Variants in CLPB observed in about 807,000 individuals in gnomAD.
CLPB encodes mitochondrial disaggregase.
In CLPB, 40 loss-of-function variants were observed where a neutral mutation model predicts 78.4. The ratio of observed to expected loss-of-function variants is 0.51; its 90% CI spans 0.40 to 0.66. The LOEUF (loss-of-function observed/expected upper bound fraction) is 0.66. Ranked by LOEUF, CLPB falls within the 30% of genes least tolerant of loss-of-function variation. The pLI is 0.00. For missense variants in CLPB, 780 were observed against 886.9 expected (o/e 0.88, Z 1.53); for synonymous variants, 333 against 348.0 (o/e 0.96, Z 0.48).
chr11:72,421,313 A>G (rs1209850117), intron 2 of CLPB, among the ~76,000 whole-genome samples: 1 of 151,630 alleles, frequency 6.6e-6, no homozygotes, highest in African/African-American at 2.4e-5. Flanking sequence ...CTCCTTCCCT[A>G]CTAAACTCTC....
chr11:72,389,312 C>G (rs1388042204), intron 3 of CLPB, among the ~76,000 whole-genome samples: 2 of 152,204 alleles, frequency 1.3e-5, no homozygotes. Flanking sequence ...AGAACCAAAT[C>G]TGATGGCACA....
chr11:72,381,114 C>T lies in CLPB; in HGVS notation c.543-730G>A, dbSNP rs902851222. On this transcript the variant is annotated intron_variant, in intron 3 of 15. Coordinates refer to ENST00000538039, the MANE Select transcript of CLPB (RefSeq NM_001258392.3). ...CAAATGAGAGATTATAGCACCTGGG[C>T]GTAGCACAGAGGTAAAGAAAAGATT... is the stretch of plus-strand genomic sequence containing the variant. Among the ~76,000 whole-genome samples, 4 of 152,174 alleles carry T rather than the reference C, an allele frequency of 2.6e-5. No homozygotes were observed. The South Asian group carries it at 6.2e-4, about 24-fold the overall frequency.
rs1064796961 is a variant in CLPB at position 72,294,104 on chromosome 11, GTGA to G, written c.1700_1702del (p.Ile567del). On this transcript the variant is annotated inframe_deletion, in exon 15 of 16. Coordinates refer to ENST00000538039, the MANE Select transcript of CLPB (RefSeq NM_001258392.3). ...TGCCACCTCGCGGTCCCAGAGCAGCGTGATGTTGTGCCTTTGCTTGGCCTGAGA... is the reference window on the plus strand; with the variant it reads ...TGCCACCTCGCGGTCCCAGAGCAGCGTGTTGTGCCTTTGCTTGGCCTGAGA... 1.9e-6 allele frequency: 3 copies of G among 1,614,150 alleles called. No individual in the cohort carries two copies. Among genetic ancestry groups the G allele is most frequent in the East Asian group, 2.2e-5 (1 of 44,876 alleles).
chr11:72,309,119 AAC>A (rs952365591), intron 7 of CLPB, among the ~76,000 whole-genome samples: 1 of 152,152 alleles, frequency 6.6e-6, no homozygotes, highest in Non-Finnish European at 1.5e-5. Context: ...AGAAAGTGGA[AAC>A]ACAGCCAAAT....
rs1949452883 is a variant in CLPB at position 72,291,589 on chromosome 11, T to A, written c.*1778A>T. On this transcript the variant is annotated 3_prime_UTR_variant, in exon 16 of 16. Transcript: ENST00000538039. ...TCCCAAAGTGCTGGAATTACAGGCA[T>A]GAGCCACCACACCCGGCAATTTCCT... 6.6e-6 allele frequency: 1 copy of A among 151,934 alleles called. No individual in the cohort carries two copies. The allele number at this position is 151,934 out of a possible 1,614,324, so 9.4% of individuals were successfully genotyped here. A position where few individuals can be genotyped will look rare whatever the true frequency, so the allele number is the denominator to read the frequency against.
intron 2 of CLPB, among the ~76,000 whole-genome samples, chr11:72,410,428 G>T (rs891506823): frequency 6.6e-6 from 1 of 152,162 alleles, no homozygotes; most frequent in African/African-American, 2.4e-5. Context: ...GTCACATAGG[G>T]GTGCTATGAA....
chr11:72,422,954 G>A (rs1856254642), intron 2 of CLPB, among the ~76,000 whole-genome samples: 1 of 152,166 alleles, frequency 6.6e-6, no homozygotes, highest in South Asian at 2.1e-4. Flanking sequence ...ACCAAACCAA[G>A]CCATCAGTGC....
intron 4 of CLPB, 38 bp from the exon 5 acceptor site, chr11:72,359,046 G>A (rs1230006842): frequency 4.3e-6 from 7 of 1,610,660 alleles, no homozygotes; most frequent in East Asian, 2.2e-5. Context: ...CATTAGCAAC[G>A]ACAGCATGAG....
intron 5 of CLPB, among the ~76,000 whole-genome samples, chr11:72,349,966 G>A (rs1056717172): frequency 1.3e-5 from 2 of 152,250 alleles, no homozygotes; most frequent in African/African-American, 2.4e-5. Flanking sequence ...CTCATCTGAG[G>A]ACTGCTTGGA....
intron 6 of CLPB, among the ~76,000 whole-genome samples, chr11:72,318,248 T>C (rs1949984899): frequency 6.6e-6 from 1 of 152,044 alleles, no homozygotes; most frequent in African/African-American, 2.4e-5. Flanking sequence ...AATTAACAGC[T>C]AGATGGGGTG....
chr11:72,364,172 GA>G (rs1436150659), intron 4 of CLPB, among the ~76,000 whole-genome samples: 3 of 152,128 alleles, frequency 2.0e-5, no homozygotes, highest in Non-Finnish European at 4.4e-5. Context: ...GCTTCAGCAT[GA>G]AGTGTATTCC....
chr11:72,400,723 C>A (rs530584456), intron 3 of CLPB, among the ~76,000 whole-genome samples: 49 of 152,320 alleles, frequency 3.2e-4, no homozygotes, highest in Non-Finnish European at 4.9e-4. Context: ...GTACAGAGAT[C>A]TAATGGGGGC....
At chr11:72,389,825 A>G (rs1309565307) in intron 3 of CLPB, among the ~76,000 whole-genome samples, 2 of 151,730 alleles carry the variant, frequency 1.3e-5, no homozygotes, top group Admixed American at 1.3e-4. Context: ...ACTCGGGAGG[A>G]TCGCTTGAGC....
intron 6 of CLPB, among the ~76,000 whole-genome samples, chr11:72,323,206 T>G (rs1185028562): frequency 1.3e-5 from 2 of 152,198 alleles, no homozygotes. Context: ...CTGAGTTTAA[T>G]CACAATGAAA....
intron 2 of CLPB, among the ~76,000 whole-genome samples, chr11:72,429,929 A>G (rs1319132062): frequency 6.6e-6 from 1 of 152,206 alleles, no homozygotes; most frequent in Non-Finnish European, 1.5e-5. Flanking sequence ...CAAATCCCCA[A>G]GCCTTTCCAT....
chr11:72,363,584 G>A (rs933604620), intron 4 of CLPB: 1 of 152,216 alleles, frequency 6.6e-6, no homozygotes, highest in African/African-American at 2.4e-5. Context: ...AAAGTGTAGG[G>A]AGCACTTCAA....
At chr11:72,337,740 T>A (rs529897263) in intron 5 of CLPB, among the ~76,000 whole-genome samples, 1 of 152,210 alleles carries the variant, frequency 6.6e-6, no homozygotes, top group Admixed American at 6.5e-5. Context: ...TCCAAAGGCC[T>A]GATGACTCAA....
At chr11:72,329,995 G>A (rs931254547) in intron 5 of CLPB, among the ~76,000 whole-genome samples, 191 bp from the exon 6 acceptor site, 5 of 152,152 alleles carry the variant, frequency 3.3e-5, no homozygotes, top group East Asian at 3.8e-4. Context: ...CTACACACAC[G>A]TAGATGTGTT....
rs758032313 is a variant in CLPB at position 72,293,517 on chromosome 11, C to A, written c.1884G>T (p.Lys628Asn). The A allele has an allele frequency of 2.5e-6, 4 of 1,614,146 alleles. No individual in the cohort carries two copies. The highest frequency in any genetic ancestry group is 3.4e-6 in the Non-Finnish European group (4 of 1,180,016). Residue 628 changes from lysine to asparagine, a missense_variant, in exon 16 of 16, where the codon AAG becomes AAT. Coordinates refer to ENST00000538039, the MANE Select transcript of CLPB (RefSeq NM_001258392.3). ...TLRITVEDSD[K>N]QLLKSPELPS... is the part of the protein sequence containing the mutation. ...GCAGTTCTGGGCTTTTGAGTAGCTG[C>A]TTGTCTGAGTCCTCCACCGTGATGC...
Sources: gnomAD v4.1 joint callset for allele counts (sites outside exome capture counted in the v4.1 genomes callset) on GRCh38, gnomAD v4.1.1 for gene constraint, MANE v1.5 for transcripts, NCBI Gene and HGNC (gene_info 2026-07-23, HGNC 2026-07-21) for gene names.